FTSJ3: variants seen among roughly 807,000 people sequenced by gnomAD.
The protein encoded by FTSJ3 is FtsJ RNA 2'-O-methyltransferase 3.
FTSJ3 carries 46 observed loss-of-function variants against 111.5 expected under a neutral mutation model. That is an observed-to-expected ratio of 0.41 (90% CI 0.33 to 0.53). FTSJ3 has a LOEUF of 0.53. Ranked by LOEUF, FTSJ3 falls within the 20% of genes least tolerant of loss-of-function variation. The pLI, the probability that FTSJ3 is intolerant of heterozygous loss-of-function variation, is 0.19. For synonymous variants in FTSJ3, 408 were observed against 383.0 expected, an observed-to-expected ratio of 1.07 and a Z score of -0.76; for missense variants, 1,075 against 1,063.8, an observed-to-expected ratio of 1.01 and a Z score of -0.15.
At chr17:63,820,215 A>ACCCCCCC in intron 19 of FTSJ3, 40 bp downstream of exon 19, 1 of 279,826 alleles carries the variant, frequency 3.6e-6, no homozygotes, top group South Asian at 2.6e-5. Context: ...CCATCCCCCC[A>ACCCCCCC]CCCCCACCCC....
Position 63,827,267 on chromosome 17 carries a change from A to G in FTSJ3, c.-242T>C. On this transcript the variant is annotated 5_prime_UTR_variant, in exon 1 of 21. Coordinates refer to ENST00000427159, the MANE Select transcript of FTSJ3 (RefSeq NM_017647.4). The stretch of plus-strand genomic sequence containing the variant: ...AAGAACTATAAACAGAGTTTCAATG[A>G]GGCAACACTGAGGAGGAGTTCTACT... 1 of 619,862 alleles carries G rather than the reference A, an allele frequency of 1.6e-6. No homozygotes were observed. Among genetic ancestry groups the G allele is most frequent in the Non-Finnish European group, 2.8e-6 (1 of 352,442 alleles). 38.4% of individuals were successfully genotyped at this position (619,862 alleles called of 1,614,324 possible). A position where few individuals can be genotyped will look rare whatever the true frequency, so the allele number is the denominator to read the frequency against.
chr17:63,821,508 A>G lies in FTSJ3; in HGVS notation c.1732T>C (p.Leu578=), dbSNP rs758071516. ...AGGGGAGACATTATCTCAGTCTTCA[A>G]ACAGGAAGGGGGTGTCTGTGGCAGC... ...QQLPQTPPSC[L]KTEIMSPLYQ... The change falls in exon 16 of 21, where the codon TTG becomes CTG. Residue 578 remains leucine (L), a synonymous_variant. Transcript: ENST00000427159. 1 of 1,614,130 alleles carries G rather than the reference A, an allele frequency of 6.2e-7. No individual in the cohort carries two copies. Among genetic ancestry groups the G allele is most frequent in the Non-Finnish European group, 8.5e-7 (1 of 1,180,034 alleles).
intron 19 of FTSJ3, 35 bp from the exon 20 acceptor site, chr17:63,820,208 T>TA: frequency 3.9e-5 from 27 of 694,880 alleles, no homozygotes; most frequent in South Asian, 1.2e-4. Context: ...CTCTTCCCCA[T>TA]CCCCCCACCC....
At position 63,824,426 on chromosome 17, in the gene FTSJ3, C is replaced by T; in HGVS notation, c.918-15G>A. ...TTAGTAGCGACCTGCCCCAGAGATA[C>T]TATTACTGATCTTGCCATCTCCCTC... On this transcript the variant is annotated splice_polypyrimidine_tract_variant and intron_variant, in intron 10 of 20. Transcript: ENST00000427159. 1 of 1,613,182 alleles carries T rather than the reference C, an allele frequency of 6.2e-7. No individual in the cohort carries two copies.
intron 16 of FTSJ3, 76 bp downstream of exon 16, chr17:63,821,278 T>G: frequency 6.5e-7 from 1 of 1,530,850 alleles, no homozygotes; most frequent in Non-Finnish European, 8.9e-7. Context: ...CAGCCAAGAT[T>G]AAGAACCCCC....
rs962346631 is a variant in FTSJ3 at position 63,825,273 on chromosome 17, A to C, written c.564T>G (p.His188Gln). The C allele has an allele frequency of 6.2e-7, 1 of 1,614,216 alleles. No individual in the cohort carries two copies. The change falls in exon 7 of 21, where the codon CAT becomes CAG. Residue 188 changes from histidine to glutamine, a missense_variant. His to Gln is a conservative substitution (Grantham distance 24, BLOSUM62 0). Around this residue, in one of 2 missense-constraint regions of FTSJ3, gnomAD observed 208 missense variants for 266.9 expected, o/e 0.78. Transcript: ENST00000427159. ...VQATKPQASR[H>Q]ESAEIFVVCQ... ...AGACTACAAAGATCTCTGCAGATTC[A>C]TGGCGAGAGGCTTGGGGCTTGGTGG...
chr17:63,824,025 C>G (rs1017178996), intron 12 of FTSJ3, 59 bp downstream of exon 12: 12 of 1,613,480 alleles, frequency 7.4e-6, no homozygotes, highest in Non-Finnish European at 1.0e-5. Context: ...ATTTTCTTCT[C>G]CCATCTTCAC....
At chr17:63,823,039 A>C (rs2040065018) in intron 13 of FTSJ3, among the ~76,000 whole-genome samples, 1 of 152,166 alleles carries the variant, frequency 6.6e-6, no homozygotes, top group Admixed American at 6.5e-5. Flanking sequence ...GCCCTCCTGT[A>C]CAACAAAGAT....
intron 13 of FTSJ3, 86 bp downstream of exon 13, chr17:63,823,731 C>T (rs1727339656): frequency 6.7e-7 from 1 of 1,492,230 alleles, no homozygotes; most frequent in Non-Finnish European, 9.1e-7. Context: ...GTTCGGCAAC[C>T]TAAAAAGACA....
intron 18 of FTSJ3, 21 bp from the exon 19 acceptor site, chr17:63,820,459 T>C (rs2144602049): frequency 6.2e-7 from 1 of 1,610,160 alleles, no homozygotes; most frequent in African/African-American, 1.3e-5. Context: ...AGGACATCTG[T>C]CTAATATCCA....
At chr17:63,820,217 C>T (rs1468690294) in intron 19 of FTSJ3, 38 bp downstream of exon 19, 1 of 1,462,300 alleles carries the variant, frequency 6.8e-7, no homozygotes. Flanking sequence ...ATCCCCCCAC[C>T]CCCACCCCAC....
In FTSJ3 at chr17:63,821,050, A is replaced by C. The variant is rs2040045426; in HGVS notation, c.1952T>G (p.Ile651Arg). 1.9e-6 allele frequency: 3 copies of C among 1,614,182 alleles called. No homozygotes were observed. The highest frequency in any genetic ancestry group is 2.2e-5 in the East Asian group (1 of 44,888). The change falls in exon 17 of 21, where the codon ATA (isoleucine) becomes AGA (arginine). Residue 651 changes from isoleucine to arginine, a missense_variant. Ile to Arg is a moderately conservative substitution (Grantham distance 97, BLOSUM62 -3). Around this residue, in one of 2 missense-constraint regions of FTSJ3, gnomAD observed 867 missense variants for 796.9 expected, o/e 1.09. Coordinates refer to ENST00000427159, the MANE Select transcript of FTSJ3 (RefSeq NM_017647.4). Reference sequence around the variant, plus strand: ...CTCACCTGGGTCCTCAATAGGCACTATCTCAAACCCGTCATCATCTGACTT... The same window carrying C: ...CTCACCTGGGTCCTCAATAGGCACTCTCTCAAACCCGTCATCATCTGACTT... ...GPKSDDDGFE[I>R]VPIEDPAKHR... is the part of the protein sequence containing the mutation.
In FTSJ3 at chr17:63,825,271, T is replaced by G. The variant is rs767031489; in HGVS notation, c.566A>C (p.Glu189Ala). Residue 189 changes from glutamate to alanine, a missense_variant, in exon 7 of 21, where the codon GAA (glutamate) becomes GCA (alanine). Glu to Ala is a moderately radical substitution (Grantham distance 107). Around this residue, in one of 2 missense-constraint regions of FTSJ3, gnomAD observed 208 missense variants for 266.9 expected, o/e 0.78. Coordinates refer to ENST00000427159, the MANE Select transcript of FTSJ3 (RefSeq NM_017647.4). ...GCAGACTACAAAGATCTCTGCAGAT[T>G]CATGGCGAGAGGCTTGGGGCTTGGT... ...QATKPQASRH[E>A]SAEIFVVCQG... 3.1e-6 allele frequency: 5 copies of G among 1,614,190 alleles called. No individual in the cohort carries two copies. Among genetic ancestry groups the G allele is most frequent in the Admixed American group, 3.3e-5 (2 of 60,032 alleles).
In FTSJ3 at chr17:63,824,895, T is replaced by C. The variant is rs751776424; in HGVS notation, c.746A>G (p.Tyr249Cys). 6.3e-6 allele frequency: 10 copies of C among 1,593,638 alleles called. No homozygotes were observed. In the Admixed American group the frequency reaches 8.5e-5, roughly 14 times the overall value. ...GAAGTCAGTGACTGAGGTACGGTGA[T>C]AGAGAGTGAGGTCACCCTCAGCATA... ...EGYAEGDLTL[Y>C]HRTSVTDFLR... Residue 249 changes from tyrosine (Y) to cysteine (C), a missense_variant, in exon 9 of 21, where the codon TAT becomes TGT. Around this residue, in one of 2 missense-constraint regions of FTSJ3, gnomAD observed 867 missense variants for 796.9 expected, o/e 1.09. Coordinates refer to ENST00000427159, the MANE Select transcript of FTSJ3 (RefSeq NM_017647.4).
chr17:63,826,792 A>G, intron 2 of FTSJ3, 44 bp downstream of exon 2: 1 of 1,599,236 alleles, frequency 6.3e-7, no homozygotes, highest in Non-Finnish European at 8.6e-7. Flanking sequence ...CGAACCGGGC[A>G]GAGATCGCTC....
At chr17:63,824,037 C>T (rs371651973) in intron 12 of FTSJ3, 47 bp downstream of exon 12, 26 of 1,613,646 alleles carry the variant, frequency 1.6e-5, no homozygotes, top group Non-Finnish European at 2.2e-5. Flanking sequence ...CATCTTCACA[C>T]AGTCCCTGCG....
Position 63,824,735 on chromosome 17 carries a change from G to T in FTSJ3, c.819C>A (p.Ile273=). ...GTGCCAACTCTTCATCATCTACCAT[G>T]ATCTGTTTGGGAGGATGGAAAGGTG... is the stretch of plus-strand genomic sequence containing the variant. ...PVDFLSKASE[I]MVDDEELAQH... is the part of the protein sequence containing the mutation. The change falls in exon 10 of 21, where the codon ATC becomes ATA. Residue 273 remains isoleucine, a splice_region_variant and synonymous_variant. Coordinates refer to ENST00000427159, the MANE Select transcript of FTSJ3 (RefSeq NM_017647.4). The T allele has an allele frequency of 6.2e-7, 1 of 1,613,154 alleles. No individual in the cohort carries two copies. The highest frequency in any genetic ancestry group is 2.2e-5 in the East Asian group (1 of 44,876).
Position 63,822,144 on chromosome 17 carries a change from C to T in FTSJ3, c.1315G>A (p.Asp439Asn). Residue 439 changes from aspartate to asparagine, a missense_variant, in exon 14 of 21, where the codon GAT becomes AAT. Transcript: ENST00000427159. The part of the protein sequence containing the change: ...HQLLEEVTQG[D>N]MSAADTFLSD... ...AGAAATGTGTCTGCTGCACTCATAT[C>T]CCCTTGTGTTACTTCCTCTAATAAC... The T allele has an allele frequency of 6.2e-7, 1 of 1,613,996 alleles. No individual in the cohort carries two copies. Among genetic ancestry groups the T allele is most frequent in the Non-Finnish European group, 8.5e-7 (1 of 1,179,934 alleles).
chr17:63,821,272 CAAGATT>C, intron 16 of FTSJ3, 76 bp downstream of exon 16: 2 of 1,521,230 alleles, frequency 1.3e-6, no homozygotes, highest in Non-Finnish European at 1.8e-6. Flanking sequence ...CATGTGCAGC[CAAGATT>C]AAGAACCCCC....
Sources: gnomAD v4.1 joint callset for allele counts (sites outside exome capture counted in the v4.1 genomes callset) on GRCh38, gnomAD v4.1.1 for gene constraint, gnomAD v4.1.1 regional missense constraint, MANE v1.5 for transcripts, NCBI Gene and HGNC (gene_info 2026-07-23, HGNC 2026-07-21) for gene names.